ACACB: variants seen among roughly 807,000 people sequenced by gnomAD.
ACACB encodes the protein acetyl-CoA carboxylase beta.
A neutral mutation model predicts 278.8 loss-of-function variants in ACACB; 209 were observed. That is an observed-to-expected ratio of 0.75 (90% CI 0.67 to 0.84). ACACB has a LOEUF of 0.84. Ranked by LOEUF, ACACB falls within the 40% of genes least tolerant of loss-of-function variation. The pLI is 0.00. For missense variants in ACACB, 2,850 were observed against 3,269.0 expected (o/e 0.87, Z 3.13); for synonymous variants, 1,174 against 1,285.6 (o/e 0.91, Z 1.86).
intron 38 of ACACB, 31 bp from the exon 39 acceptor site, chr12:109,246,148 C>A (rs375246234): frequency 6.3e-7 from 1 of 1,584,002 alleles, no homozygotes; most frequent in African/African-American, 1.4e-5. Flanking sequence ...GAAACAAACT[C>A]ATTTTCCTTG....
At chr12:109,124,557 G>A (rs1253275701) in intron 1 of ACACB, among the ~76,000 whole-genome samples, 2 of 152,212 alleles carry the variant, frequency 1.3e-5, no homozygotes, top group Non-Finnish European at 1.5e-5. Context: ...GACCTCCGTC[G>A]TAAAGTTCCC....
intron 1 of ACACB, among the ~76,000 whole-genome samples, chr12:109,138,182 G>A (rs1383064469): frequency 6.6e-6 from 1 of 152,176 alleles, no homozygotes; most frequent in African/African-American, 2.4e-5. Context: ...GGGATTACAG[G>A]CATGAGCCAC....
rs747905047 is a variant in ACACB at position 109,199,519 on chromosome 12, C to T, written c.2745C>T (p.His915=). The T allele has an allele frequency of 6.6e-6, 10 of 1,517,196 alleles. No homozygotes were observed. Among genetic ancestry groups the T allele is most frequent in the East Asian group, 2.6e-5 (1 of 38,638 alleles). 94.0% of individuals were successfully genotyped at this position (1,517,196 alleles called of 1,614,324 possible). A position where few individuals can be genotyped will look rare whatever the true frequency, so the allele number is the denominator to read the frequency against. Residue 915 remains histidine (H), a synonymous_variant, in exon 18 of 53, where the codon CAC becomes CAT. Coordinates refer to ENST00000338432, the MANE Select transcript of ACACB (RefSeq NM_001093.4). The stretch of plus-strand genomic sequence containing the variant: ...AGTACACAGTGGAGGATGGGGGCCA[C>T]GTTGAGGCTGGGAGCAGCTACGCTG... ...LTQYTVEDGG[H]VEAGSSYAEM...
chr12:109,242,623 CT>C (rs753258094), intron 37 of ACACB, 31 bp downstream of exon 37: 32 of 1,611,362 alleles, frequency 2.0e-5, no homozygotes, highest in Non-Finnish European at 2.5e-5. Flanking sequence ...GCGGTACCCC[CT>C]GGGTCCTCCC....
At chr12:109,254,416 C>T (rs923033396) in intron 44 of ACACB, 82 bp downstream of exon 44, 108 of 1,352,458 alleles carry the variant, frequency 8.0e-5, no homozygotes, top group East Asian at 2.2e-4. Context: ...TTGTCTCAAG[C>T]GCTTGAGACA....
chr12:109,155,914 C>T (rs970399363), intron 2 of ACACB, among the ~76,000 whole-genome samples: 1 of 152,186 alleles, frequency 6.6e-6, no homozygotes, highest in Non-Finnish European at 1.5e-5. Context: ...GCTTTTGTGC[C>T]TCACTGGAGG....
intron 19 of ACACB, 138 bp downstream of exon 19, chr12:109,201,839 C>A: frequency 8.3e-7 from 1 of 1,201,452 alleles, no homozygotes. Flanking sequence ...TCGCAGCAGC[C>A]ACCGTGATGG....
chr12:109,162,676 G>A (rs769181140), intron 2 of ACACB, among the ~76,000 whole-genome samples: 8 of 152,104 alleles, frequency 5.3e-5, no homozygotes, highest in South Asian at 2.1e-4. Flanking sequence ...GAACTTCCCC[G>A]TTCCCCCCGG....
chr12:109,185,523 T>C (rs1565898359), intron 11 of ACACB, 56 bp from the exon 12 acceptor site: 2 of 1,601,054 alleles, frequency 1.2e-6, no homozygotes, highest in Admixed American at 1.7e-5. Context: ...GCCTGGTGTT[T>C]TGGGGCCGTG....
intron 1 of ACACB, among the ~76,000 whole-genome samples, chr12:109,133,095 A>T (rs576120544): frequency 6.6e-6 from 1 of 152,320 alleles, no homozygotes; most frequent in African/African-American, 2.4e-5. Flanking sequence ...AGGATTTTCT[A>T]AGCAAGTTCC....
chr12:109,210,374 C>G (rs1376379307), intron 21 of ACACB, among the ~76,000 whole-genome samples: 1 of 123,714 alleles, frequency 8.1e-6, no homozygotes, highest in Middle Eastern at 4.2e-3. Context: ...TGTATATACA[C>G]GCACACACAT....
At chr12:109,179,557 G>A (rs1163975292) in intron 10 of ACACB, among the ~76,000 whole-genome samples, 1 of 152,158 alleles carries the variant, frequency 6.6e-6, no homozygotes, top group Non-Finnish European at 1.5e-5. Context: ...TGCGATGATA[G>A]TTCACAGCAG....
At chr12:109,129,880 G>A (rs1339304543) in intron 1 of ACACB, among the ~76,000 whole-genome samples, 1 of 151,686 alleles carries the variant, frequency 6.6e-6, no homozygotes, top group African/African-American at 2.4e-5. Context: ...GGAGGAAGAT[G>A]CTCACAGCAG....
Position 109,174,153 on chromosome 12 carries a change from G to A in ACACB, c.1139G>A (p.Trp380Ter), listed in dbSNP as rs2044207659. The change falls in exon 7 of 53, where the codon TGG (tryptophan) becomes TAG (stop). Residue 380 changes from tryptophan to a stop codon, truncating the protein, a stop_gained. Coordinates refer to ENST00000338432, the MANE Select transcript of ACACB (RefSeq NM_001093.4). LOFTEE classifies it high-confidence loss of function. ...AFLGPPSEAM[W>*]ALGDKIASTV... ...TCAGGCCCTCCCAGTGAGGCCATGTGGGCCTTAGGAGATAAGATCGCCTCC... is the reference window on the plus strand; with the variant it reads ...TCAGGCCCTCCCAGTGAGGCCATGTAGGCCTTAGGAGATAAGATCGCCTCC... 3 of 1,612,348 alleles carry A rather than the reference G, an allele frequency of 1.9e-6. No individual in the cohort carries two copies. In the South Asian group the frequency reaches 3.3e-5, roughly 18 times the overall value.
intron 39 of ACACB, 41 bp from the exon 40 acceptor site, chr12:109,247,565 C>A: frequency 1.4e-6 from 2 of 1,460,952 alleles, no homozygotes; most frequent in South Asian, 1.2e-5. Flanking sequence ...GCTTTCAGTG[C>A]AGGGAACTGG....
chr12:109,151,360 G>T (rs1307656972), intron 2 of ACACB, among the ~76,000 whole-genome samples: 2 of 151,958 alleles, frequency 1.3e-5, no homozygotes, highest in African/African-American at 2.4e-5. Context: ...TTAATACAAG[G>T]TACAGAGCAA....
chr12:109,157,210 C>G (rs181376176), intron 2 of ACACB, among the ~76,000 whole-genome samples: 3 of 152,058 alleles, frequency 2.0e-5, no homozygotes, highest in African/African-American at 7.2e-5. Context: ...TACCATCAAG[C>G]CTTGGAACCT....
intron 28 of ACACB, 96 bp downstream of exon 28, chr12:109,227,585 C>A: frequency 1.7e-6 from 2 of 1,190,928 alleles, no homozygotes; most frequent in Non-Finnish European, 1.2e-6. Flanking sequence ...TGTGTTTGGG[C>A]ACGCTGCTGG....
intron 21 of ACACB, among the ~76,000 whole-genome samples, chr12:109,212,539 C>T (rs1359991046): frequency 6.6e-6 from 1 of 152,084 alleles, no homozygotes; most frequent in Non-Finnish European, 1.5e-5. Flanking sequence ...AGCATGCAAC[C>T]TAGGTCCCTC....
Sources: gnomAD v4.1 joint callset for allele counts (sites outside exome capture counted in the v4.1 genomes callset) on GRCh38, gnomAD v4.1.1 for gene constraint, MANE v1.5 for transcripts, NCBI Gene and HGNC (gene_info 2026-07-23, HGNC 2026-07-21) for gene names.